HPS4: variants seen among roughly 807,000 people sequenced by gnomAD.
HPS4 encodes the protein HPS4 biogenesis of lysosomal organelles complex 3 subunit 2, also known as BLOC-3 complex member HPS4.
Under a neutral mutation model 70.3 loss-of-function variants are expected in HPS4, and 44 were observed. The observed-to-expected ratio is 0.63, with a 90% CI of 0.49 to 0.80. The LOEUF is 0.80. Among genes scored for constraint, HPS4 ranks in the 30% least tolerant of loss-of-function variants. The pLI is 0.00. For missense variants in HPS4, 873 were observed against 884.4 expected, an observed-to-expected ratio of 0.99 and a Z score of 0.16; for synonymous variants, 377 against 355.9, an observed-to-expected ratio of 1.06 and a Z score of -0.67.
At position 26,483,535 on chromosome 22, in the gene HPS4, G is replaced by C. The variant is rs191746254; in HGVS notation, c.-479+139C>G. ...AGGCAGCGACTGGTAACAGCACTAG[G>C]GCTGTGCGGTGTCTGGCCCCAGCTC... is the stretch of plus-strand genomic sequence containing the variant. On this transcript the variant is annotated intron_variant, in intron 1 of 13. Transcript: ENST00000398145. 9 of 172,364 alleles carry C rather than the reference G, an allele frequency of 5.2e-5. No individual in the cohort carries two copies. In the East Asian group the frequency reaches 1.3e-3, roughly 24 times the overall value. The allele number at this position is 172,364 out of a possible 1,614,324, so 10.7% of individuals were successfully genotyped here.
At chr22:26,463,499 G>T (rs5761541) in intron 11 of HPS4, among the ~76,000 whole-genome samples, 124,844 of 152,162 alleles carry the variant, frequency 0.82, 51,929 homozygotes, top group Non-Finnish European at 0.89. Flanking sequence ...ACTGCATCTG[G>T]AACAGGAAGG....
chr22:26,466,084 A>C, intron 9 of HPS4, 142 bp downstream of exon 9: 1 of 1,584,294 alleles, frequency 6.3e-7, no homozygotes. Context: ...CGATTCTTGA[A>C]GCTCCATAAC....
intron 13 of HPS4, among the ~76,000 whole-genome samples, chr22:26,454,890 AAAC>A (rs2085817400): frequency 6.6e-6 from 1 of 151,984 alleles, no homozygotes; most frequent in Non-Finnish European, 1.5e-5. Flanking sequence ...TACAAGAAAA[AAAC>A]AAACAACCCC....
rs1270400302 is a variant in HPS4 at position 26,458,467 on chromosome 22, G to T, written c.1824C>A (p.Asp608Glu). 1.2e-6 allele frequency: 2 copies of T among 1,614,038 alleles called. No individual in the cohort carries two copies. Among genetic ancestry groups the T allele is most frequent in the Non-Finnish European group, 1.7e-6 (2 of 1,180,036 alleles). ...TACCCATCAGCAAGCTCTGAATGCG[G>T]TCGTAATGTGTGAAGTTGTAGGTGC... is the stretch of plus-strand genomic sequence containing the variant. ...TSSTYNFTHYDRIQSLLMANL... is the reference protein window; with the variant it reads ...TSSTYNFTHYERIQSLLMANL... The change falls in exon 12 of 14, where the codon GAC becomes GAA. Residue 608 changes from aspartate (D) to glutamate (E), a missense_variant. Transcript: ENST00000398145.
intron 13 of HPS4, chr22:26,454,038 C>T (rs540684850): frequency 2.0e-5 from 3 of 153,546 alleles, no homozygotes; most frequent in Non-Finnish European, 4.4e-5. Flanking sequence ...GAGGAGCCAA[C>T]TCCAGGCCAA....
chr22:26,469,339 T>G (rs1038926841), intron 7 of HPS4, among the ~76,000 whole-genome samples: 11 of 150,882 alleles, frequency 7.3e-5, no homozygotes, highest in South Asian at 2.1e-4. Flanking sequence ...CAAGTGCTTG[T>G]TGTTCCAGCT....
chr22:26,482,728 C>T (rs1157629619), intron 1 of HPS4: 1 of 152,236 alleles, frequency 6.6e-6, no homozygotes, highest in African/African-American at 2.4e-5. Flanking sequence ...CTCTCCTGCA[C>T]TCTTTTCCAA....
intron 4 of HPS4, among the ~76,000 whole-genome samples, chr22:26,474,062 C>CT (rs2090199532): frequency 6.6e-6 from 1 of 152,226 alleles, no homozygotes; most frequent in African/African-American, 2.4e-5. Flanking sequence ...ATCCCACCAG[C>CT]TTTTCTTCAG....
downstream of HPS4, among the ~76,000 whole-genome samples, chr22:26,449,825 C>G (rs151049167): frequency 6.8e-4 from 103 of 152,266 alleles, no homozygotes; most frequent in African/African-American, 2.4e-3. Flanking sequence ...GAGCATATAC[C>G]CAGAGGCTTA....
In HPS4 at chr22:26,458,822, A is replaced by G. The variant is rs7292619; in HGVS notation, c.1714-245T>C. Among the ~76,000 whole-genome samples, 73,541 of 143,622 alleles carry G rather than the reference A, an allele frequency of 0.51. 18,554 individuals carry two copies. Among genetic ancestry groups the G allele is most frequent in the Middle Eastern group, 0.61 (172 of 284 alleles). 94.2% of individuals were successfully genotyped at this position (143,622 alleles called of 152,430 possible). ...GGTGATAGAGTGAGACTCTGTCTCG[A>G]AAAAAAAAAAAAAAAATCATTCATG... On this transcript the variant is annotated intron_variant, in intron 11 of 13. Coordinates refer to ENST00000398145, the MANE Select transcript of HPS4 (RefSeq NM_022081.6).
At chr22:26,477,280 C>A (rs1480712320) in intron 3 of HPS4, 144 bp from the exon 4 acceptor site, 1 of 821,122 alleles carries the variant, frequency 1.2e-6, no homozygotes, top group Non-Finnish European at 2.0e-6. Flanking sequence ...GGTTCTTATA[C>A]TTTTTAAAGG....
chr22:26,453,459 C>G, intron 13 of HPS4, 55 bp from the exon 14 acceptor site: 1 of 1,586,080 alleles, frequency 6.3e-7, no homozygotes, highest in Non-Finnish European at 8.6e-7. Flanking sequence ...TAATCTCAGA[C>G]CACACAGAGA....
rs927560561 is a variant in HPS4 at position 26,452,322 on chromosome 22, C to A, written c.*911G>T. 1 of 456,572 alleles carries A rather than the reference C, an allele frequency of 2.2e-6. No individual in the cohort carries two copies. 28.3% of individuals were successfully genotyped at this position (456,572 alleles called of 1,614,324 possible). A position where few individuals can be genotyped will look rare whatever the true frequency, so the allele number is the denominator to read the frequency against. ...CTGTCAAAAAAATGTCTGACTATAA[C>A]GTAATAGAACTGAGGTTCTAAGTAC... is the stretch of plus-strand genomic sequence containing the variant. On this transcript the variant is annotated 3_prime_UTR_variant, in exon 14 of 14. Transcript: ENST00000398145.
intron 13 of HPS4, among the ~76,000 whole-genome samples, chr22:26,457,210 CTTTTTTTT>C (rs1555889771): frequency 7.8e-5 from 2 of 25,554 alleles, no homozygotes; most frequent in Non-Finnish European, 1.3e-4. Context: ...GCACGTATTA[CTTTTTTTT>C]TTTTTTTTTT....
At chr22:26,470,947 A>T in intron 6 of HPS4, 134 bp from the exon 7 acceptor site, 1 of 1,539,174 alleles carries the variant, frequency 6.5e-7, no homozygotes, top group African/African-American at 1.4e-5. Context: ...TGTGTCACAC[A>T]GTGAAAGCTG....
At chr22:26,472,018 T>TGAG (rs2089890113) in intron 6 of HPS4, among the ~76,000 whole-genome samples, 1 of 152,242 alleles carries the variant, frequency 6.6e-6, no homozygotes, top group Non-Finnish European at 1.5e-5. Flanking sequence ...TCAACACTTC[T>TGAG]GAGGCATGAA....
rs1422848382 is a variant in HPS4 at position 26,472,857 on chromosome 22, T to C, written c.359A>G (p.Asn120Ser). The C allele has an allele frequency of 1.9e-6, 3 of 1,614,110 alleles. No homozygotes were observed. The highest frequency in any genetic ancestry group is 2.5e-6 in the Non-Finnish European group (3 of 1,179,920). ...CTCATAAGCTAGGGAAACAGGTCCA[T>C]TGTAAAAATTAAAGAATCCAACTAG... ...DQLVGFFNFYNGPVSLAYENC... is the reference protein window; with the variant it reads ...DQLVGFFNFYSGPVSLAYENC... Residue 120 changes from asparagine to serine, a missense_variant, in exon 5 of 14, where the codon AAT (asparagine) becomes AGT (serine). Physicochemically the swap from Asn to Ser is conservative, Grantham distance 46. Transcript: ENST00000398145.
At position 26,457,842 on chromosome 22, in the gene HPS4, G is replaced by C. The variant is rs373770186; in HGVS notation, c.1955+17C>G. ...GACCGTGGAGAGTAGGTTGGGGAGCGACTCAGGGAGGCTCACCTGACAGTC... is the reference window on the plus strand; with the variant it reads ...GACCGTGGAGAGTAGGTTGGGGAGCCACTCAGGGAGGCTCACCTGACAGTC... On this transcript the variant is annotated intron_variant, in intron 13 of 13. Transcript: ENST00000398145. The C allele has an allele frequency of 6.3e-7, 1 of 1,590,790 alleles. No homozygotes were observed. The highest frequency in any genetic ancestry group is 8.6e-7 in the Non-Finnish European group (1 of 1,158,882).
intron 2 of HPS4, 35 bp downstream of exon 2, chr22:26,481,687 G>A: frequency 6.2e-7 from 1 of 1,607,714 alleles, no homozygotes; most frequent in Admixed American, 1.7e-5. Context: ...CAACAGCCCA[G>A]CAAAAGCTAT....
Sources: gnomAD v4.1 joint callset for allele counts (sites outside exome capture counted in the v4.1 genomes callset) on GRCh38, gnomAD v4.1.1 for gene constraint, MANE v1.5 for transcripts, NCBI Gene and HGNC (gene_info 2026-07-23, HGNC 2026-07-21) for gene names.